The following GTPBP10 variants were observed in gnomAD, a reference collection of about 807,000 sequenced individuals.
GTPBP10 encodes GTP binding protein 10, also known as GTP-binding protein 10.
Under a neutral mutation model 44.8 loss-of-function variants are expected in GTPBP10, and 38 were observed. The ratio of observed to expected loss-of-function variants is 0.85; its 90% CI spans 0.65 to 1.11. The LOEUF is 1.11. Ranked by LOEUF, GTPBP10 falls within the 50% of genes most tolerant of loss-of-function variation. The pLI is 0.00. For missense variants in GTPBP10, 462 were observed against 453.7 expected (o/e 1.02, Z -0.17); for synonymous variants, 152 against 150.6 (o/e 1.01, Z -0.07).
At chr7:90,378,778 C>T (rs1330226503) in intron 8 of GTPBP10, among the ~76,000 whole-genome samples, 3 of 152,126 alleles carry the variant, frequency 2.0e-5, no homozygotes, top group Admixed American at 6.6e-5. Context: ...GGCATGATCT[C>T]GGCTCTCTCT....
intron 4 of GTPBP10, among the ~76,000 whole-genome samples, chr7:90,360,632 G>GT (rs1795998282): frequency 6.6e-6 from 1 of 152,068 alleles, no homozygotes; most frequent in African/African-American, 2.4e-5. Context: ...GCTCTTTTTT[G>GT]TTTCCATACG....
chr7:90,372,155 A>T lies in GTPBP10; in HGVS notation c.465A>T (p.Gly155=). 1 of 1,591,108 alleles carries T rather than the reference A, an allele frequency of 6.3e-7. No homozygotes were observed. The highest frequency in any genetic ancestry group is 8.6e-7 in the Non-Finnish European group (1 of 1,163,076). The change falls in exon 5 of 10, where the codon GGA becomes GGT. Residue 155 remains glycine, a splice_region_variant and synonymous_variant. Transcript: ENST00000222511. ...LKLIADVGLV[G]FPNAGKSSLL... ...GTATAATTTTATATTCTTGTTTCAGATTCCCAAATGCTGGAAAATCCTCTT... is the reference window on the plus strand; with the variant it reads ...GTATAATTTTATATTCTTGTTTCAGTTTCCCAAATGCTGGAAAATCCTCTT...
Position 90,388,082 on chromosome 7 carries a change from G to T in GTPBP10, c.*2928G>T, listed in dbSNP as rs1163559776. 1 of 152,064 alleles carries T rather than the reference G, an allele frequency of 6.6e-6. No individual in the cohort carries two copies. Among genetic ancestry groups the T allele is most frequent in the East Asian group, 1.9e-4 (1 of 5,202 alleles). The allele number at this position is 152,064 out of a possible 1,614,324, so 9.4% of individuals were successfully genotyped here. On this transcript the variant is annotated 3_prime_UTR_variant, in exon 10 of 10. Coordinates refer to ENST00000222511, the MANE Select transcript of GTPBP10 (RefSeq NM_033107.4). Reference sequence around the variant, plus strand: ...GACTAACCGAAACATTTTATTATGTGACTCACTAAGATGTTCAATTCATTA... The same window carrying T: ...GACTAACCGAAACATTTTATTATGTTACTCACTAAGATGTTCAATTCATTA...
At chr7:90,362,865 T>C (rs976407440) in intron 4 of GTPBP10, among the ~76,000 whole-genome samples, 11 of 152,240 alleles carry the variant, frequency 7.2e-5, no homozygotes, top group African/African-American at 2.7e-4. Context: ...TCTTGTTGAA[T>C]TGATCCCTTT....
At chr7:90,378,895 G>T (rs1197861662) in intron 8 of GTPBP10, among the ~76,000 whole-genome samples, 3 of 152,040 alleles carry the variant, frequency 2.0e-5, no homozygotes, top group Non-Finnish European at 2.9e-5. Flanking sequence ...TAGAGACAGG[G>T]TTTCACCATG....
chr7:90,367,038 T>G (rs1796147861), intron 4 of GTPBP10, among the ~76,000 whole-genome samples: 1 of 152,210 alleles, frequency 6.6e-6, no homozygotes, highest in Admixed American at 6.5e-5. Context: ...CTTCATTTCG[T>G]TATGTACCCA....
intron 1 of GTPBP10, among the ~76,000 whole-genome samples, chr7:90,347,229 G>C (rs1185162029): frequency 3.3e-5 from 5 of 152,000 alleles, no homozygotes; most frequent in African/African-American, 9.7e-5. Context: ...GTGTGGTGTC[G>C]GTCTTAAGAA....
Position 90,372,175 on chromosome 7 carries a change from C to A in GTPBP10, c.485C>A (p.Ser162Tyr), listed in dbSNP as rs188149177. 4.4e-6 allele frequency: 7 copies of A among 1,604,544 alleles called. No homozygotes were observed. The South Asian group carries it at 4.4e-5, about 10-fold the overall frequency. The change falls in exon 5 of 10, where the codon TCC (serine) becomes TAC (tyrosine). Residue 162 changes from serine (S) to tyrosine (Y), a missense_variant. Transcript: ENST00000222511. ...GLVGFPNAGK[S>Y]SLLSCVSHAK... ...TTCAGATTCCCAAATGCTGGAAAAT[C>A]CTCTTTGCTAAGTTGTGTTTCTCAT...
intron 1 of GTPBP10, among the ~76,000 whole-genome samples, chr7:90,350,114 C>T (rs186493081): frequency 4.1e-4 from 62 of 152,178 alleles, no homozygotes; most frequent in African/African-American, 8.9e-4. Context: ...ATGTTCCCCC[C>T]GTGTCCCAAG....
chr7:90,354,557 T>C lies in GTPBP10; in HGVS notation c.319+8T>C. 1.4e-6 allele frequency: 2 copies of C among 1,411,844 alleles called. No individual in the cohort carries two copies. Among genetic ancestry groups the C allele is most frequent in the Non-Finnish European group, 2.0e-6 (2 of 1,021,880 alleles). 87.5% of individuals were successfully genotyped at this position (1,411,844 alleles called of 1,614,324 possible). Reference sequence around the variant, plus strand: ...AAAATGGTAAAATTATAGGTGAGTGTACTATAACTCCAAAAGTTGTAAAAA... The same window carrying C: ...AAAATGGTAAAATTATAGGTGAGTGCACTATAACTCCAAAAGTTGTAAAAA... On this transcript the variant is annotated splice_region_variant and intron_variant, in intron 3 of 9. Coordinates refer to ENST00000222511, the MANE Select transcript of GTPBP10 (RefSeq NM_033107.4).
intron 9 of GTPBP10, chr7:90,383,748 A>G (rs1183120936): frequency 6.6e-6 from 1 of 152,234 alleles, no homozygotes; most frequent in Non-Finnish European, 1.5e-5. Flanking sequence ...AGAGTCTAGT[A>G]GAGAACCTCA....
Position 90,385,010 on chromosome 7 carries a change from A to G in GTPBP10, c.1020A>G (p.Arg340=). The change falls in exon 10 of 10, where the codon AGA becomes AGG. Residue 340 remains arginine (R), a synonymous_variant. Transcript: ENST00000222511. The part of the protein sequence containing the change: ...EGIEELKNCI[R]KSLDEQANQE... ...TCGAAGAATTAAAGAATTGTATAAG[A>G]AAGTCACTGGATGAACAGGCCAACC... is the stretch of plus-strand genomic sequence containing the variant. 6.2e-7 allele frequency: 1 copy of G among 1,614,062 alleles called. No individual in the cohort carries two copies.
chr7:90,351,401 A>C (rs1188604328), intron 1 of GTPBP10, among the ~76,000 whole-genome samples: 1 of 152,202 alleles, frequency 6.6e-6, no homozygotes, highest in Non-Finnish European at 1.5e-5. Flanking sequence ...GCAACATAGC[A>C]AAACCCCATC....
chr7:90,365,106 G>A (rs564491751), intron 4 of GTPBP10, among the ~76,000 whole-genome samples: 84 of 152,204 alleles, frequency 5.5e-4, no homozygotes, highest in African/African-American at 1.9e-3. Context: ...CCCTGCTTTG[G>A]CTCACACTCA....
At chr7:90,349,329 G>C (rs1444851399) in intron 1 of GTPBP10, among the ~76,000 whole-genome samples, 1 of 152,090 alleles carries the variant, frequency 6.6e-6, no homozygotes, top group Non-Finnish European at 1.5e-5. Context: ...TTGCGACCCC[G>C]TGATCTAGAG....
At position 90,389,318 on chromosome 7, in the gene GTPBP10, T is replaced by A. The variant is rs1462442334; in HGVS notation, c.*4164T>A. The A allele has an allele frequency of 2.0e-5, 3 of 152,202 alleles. No individual in the cohort carries two copies. Among genetic ancestry groups the A allele is most frequent in the Non-Finnish European group, 4.4e-5 (3 of 68,032 alleles). 9.4% of individuals were successfully genotyped at this position (152,202 alleles called of 1,614,324 possible). A position where few individuals can be genotyped will look rare whatever the true frequency, so the allele number is the denominator to read the frequency against. ...ACTGTATTGCCTGCTAGCGATGTCATTTTTTTAAAGTTGGATGGTGAATAC... is the reference window on the plus strand; with the variant it reads ...ACTGTATTGCCTGCTAGCGATGTCAATTTTTTAAAGTTGGATGGTGAATAC... On this transcript the variant is annotated 3_prime_UTR_variant, in exon 10 of 10. Transcript: ENST00000222511.
intron 4 of GTPBP10, among the ~76,000 whole-genome samples, chr7:90,370,727 C>T (rs942770931): frequency 3.9e-5 from 6 of 152,068 alleles, no homozygotes; most frequent in African/African-American, 1.2e-4. Context: ...AGAAATAGGT[C>T]GGACATGGTG....
chr7:90,349,441 AT>A (rs2115586419), intron 1 of GTPBP10, among the ~76,000 whole-genome samples: 1 of 152,286 alleles, frequency 6.6e-6, no homozygotes, highest in African/African-American at 2.4e-5. Flanking sequence ...GGCACTGTCC[AT>A]TAGCAGAGGA....
Position 90,352,995 on chromosome 7 carries a change from A to G in GTPBP10, c.213A>G (p.Val71=), listed in dbSNP as rs1329883228. Residue 71 remains valine (V), a synonymous_variant, in exon 2 of 10, where the codon GTA becomes GTG. Coordinates refer to ENST00000222511, the MANE Select transcript of GTPBP10 (RefSeq NM_033107.4). Reference sequence around the variant, plus strand: ...CTCGGAAACGGTTTGTGGCTGGAGTAGGAGCAAACAGCAAGTAAGTAATTA... The same window carrying G: ...CTCGGAAACGGTTTGTGGCTGGAGTGGGAGCAAACAGCAAGTAAGTAATTA... ...RYPRKRFVAG[V]GANSKISALK... is the part of the protein sequence containing the mutation. The G allele has an allele frequency of 2.5e-6, 4 of 1,588,868 alleles. No homozygotes were observed. The South Asian group carries it at 3.4e-5, about 14-fold the overall frequency.
Sources: allele counts gnomAD v4.1 joint callset (sites outside exome capture counted in the v4.1 genomes callset), GRCh38; gene constraint gnomAD v4.1.1; transcripts MANE v1.5; gene names NCBI Gene and HGNC (gene_info 2026-07-23, HGNC 2026-07-21).